PRKCA: variants seen among roughly 807,000 people sequenced by gnomAD.
The protein encoded by PRKCA is protein kinase C alpha.
A neutral mutation model predicts 87.0 loss-of-function variants in PRKCA; 27 were observed. The observed-to-expected ratio is 0.31, with a 90% CI of 0.23 to 0.43. The LOEUF (loss-of-function observed/expected upper bound fraction) is 0.43. PRKCA is among the 20% of genes least tolerant of loss of function. The pLI, the probability that PRKCA is intolerant of heterozygous loss-of-function variation, is 1.00. For missense variants in PRKCA, 518 were observed against 852.3 expected (o/e 0.61, Z 4.88); for synonymous variants, 329 against 311.1 (o/e 1.06, Z -0.61).
At chr17:66,431,593 G>C (rs576364199) in intron 2 of PRKCA, among the ~76,000 whole-genome samples, 1 of 152,316 alleles carries the variant, frequency 6.6e-6, no homozygotes, top group African/African-American at 2.4e-5. Flanking sequence ...GGTTGGCTGA[G>C]AAAGCTTCAC....
At chr17:66,727,826 C>T (rs950961481) in intron 8 of PRKCA, among the ~76,000 whole-genome samples, 3 of 152,108 alleles carry the variant, frequency 2.0e-5, no homozygotes, top group African/African-American at 7.2e-5. Context: ...GTCTGGAGGT[C>T]AAGCCTCGCG....
chr17:66,587,437 T>G (rs1340779434), intron 3 of PRKCA, among the ~76,000 whole-genome samples: 1 of 152,160 alleles, frequency 6.6e-6, no homozygotes, highest in Non-Finnish European at 1.5e-5. Flanking sequence ...CTGATAGATT[T>G]GAGATTTATC....
chr17:66,725,274 A>G lies in PRKCA; in HGVS notation c.919-7414A>G, dbSNP rs1168955589. On this transcript the variant is annotated intron_variant, in intron 8 of 16. Transcript: ENST00000413366. ...CTTGTCTGCACCAGCTCACCTGACT[A>G]TCAGCTGCCTTTTTATGTTAGTTTG... is the stretch of plus-strand genomic sequence containing the variant. Among the ~76,000 whole-genome samples the G allele has an allele frequency of 2.6e-5, 4 of 152,318 alleles. 1 individual carries two copies.
intron 3 of PRKCA, among the ~76,000 whole-genome samples, chr17:66,547,179 C>A (rs1051949996): frequency 8.5e-5 from 13 of 152,202 alleles, no homozygotes; most frequent in Non-Finnish European, 1.3e-4. Context: ...TATGTTACAT[C>A]TCTGTACTTT....
chr17:66,471,763 A>G (rs1486753195), intron 2 of PRKCA, among the ~76,000 whole-genome samples: 1 of 150,460 alleles, frequency 6.6e-6, no homozygotes, highest in Admixed American at 6.7e-5. Flanking sequence ...GGTTACCTTT[A>G]TTACTGTGCT....
chr17:66,645,397 G>A lies in PRKCA; in HGVS notation c.415G>A (p.Val139Ile), dbSNP rs771987815. Residue 139 changes from valine (V) to isoleucine (I), a missense_variant, in exon 5 of 17, where the codon GTT becomes ATT. This residue lies in a region of PRKCA where 300 missense variants were observed against 496.8 expected (regional missense o/e 0.60). Transcript: ENST00000413366. ...TTGATTCACAGCCTGCGATATGAAC[G>A]TTCACAAGCAATGCGTCATCAATGT... ...GMKCDTCDMN[V>I]HKQCVINVPS... is the part of the protein sequence containing the mutation. 1.2e-5 allele frequency: 19 copies of A among 1,614,032 alleles called. No homozygotes were observed. Among genetic ancestry groups the A allele is most frequent in the Non-Finnish European group, 1.4e-5 (16 of 1,180,026 alleles).
At chr17:66,365,079 G>A (rs773462111) in intron 2 of PRKCA, among the ~76,000 whole-genome samples, 2 of 152,196 alleles carry the variant, frequency 1.3e-5, no homozygotes, top group African/African-American at 2.4e-5. Context: ...AAAGAAAAAG[G>A]GGACTTCACA....
intron 2 of PRKCA, among the ~76,000 whole-genome samples, chr17:66,386,912 G>A (rs1910093783): frequency 6.6e-6 from 1 of 151,890 alleles, no homozygotes. Flanking sequence ...AAATACTGGT[G>A]TGATAATAAG....
rs1568020939 is a variant in PRKCA, at chr17:66,765,430, A to ATCTATATATCTATATATCTATATATC, written c.1525-8556_1525-8555insCTATATATCTATATATCTATATATCT. 2.7e-3 allele frequency among the ~76,000 whole-genome samples: 356 copies of ATCTATATATCTATATATCTATATATC among 130,856 alleles called. 9 individuals are homozygous for ATCTATATATCTATATATCTATATATC. Among genetic ancestry groups the ATCTATATATCTATATATCTATATATC allele is most frequent in the African/African-American group, 8.5e-3 (291 of 34,282 alleles). 85.8% of individuals were successfully genotyped at this position (130,856 alleles called of 152,430 possible). A position where few individuals can be genotyped will look rare whatever the true frequency, so the allele number is the denominator to read the frequency against. On this transcript the variant is annotated intron_variant, in intron 13 of 16. Transcript: ENST00000413366. The stretch of plus-strand genomic sequence containing the variant: ...AGCAAGACTTTGTCTATATATATAT[A>ATCTATATATCTATATATCTATATATC]TATATATATATATATATATATATAT...
intron 3 of PRKCA, among the ~76,000 whole-genome samples, chr17:66,595,481 A>ATTTTTTTTTT: frequency 2.1e-5 from 1 of 47,988 alleles, no homozygotes; most frequent in African/African-American, 9.4e-5. Context: ...TTTTTTTTTG[A>ATTTTTTTTTT]GACAGTCTTG....
chr17:66,360,743 T>C (rs1049150585), intron 2 of PRKCA, among the ~76,000 whole-genome samples: 2 of 152,298 alleles, frequency 1.3e-5, no homozygotes, highest in African/African-American at 4.8e-5. Flanking sequence ...ACTCTTGTCA[T>C]CCGAACTGGA....
At chr17:66,667,954 G>A (rs1202335960) in intron 5 of PRKCA, among the ~76,000 whole-genome samples, 1 of 152,148 alleles carries the variant, frequency 6.6e-6, no homozygotes, top group African/African-American at 2.4e-5. Context: ...AGAAACCCAC[G>A]ATCAAGACTG....
chr17:66,526,092 C>T (rs77903315), intron 3 of PRKCA, among the ~76,000 whole-genome samples: 20 of 152,222 alleles, frequency 1.3e-4, no homozygotes, highest in African/African-American at 4.3e-4. Context: ...TATTGCTCTA[C>T]AGAAATCTGT....
At chr17:66,361,258 G>C (rs189913187) in intron 2 of PRKCA, among the ~76,000 whole-genome samples, 1 of 151,640 alleles carries the variant, frequency 6.6e-6, no homozygotes, top group Non-Finnish European at 1.5e-5. Flanking sequence ...GACACTGCAC[G>C]TACCAGATCA....
At chr17:66,731,892 C>T (rs1269601970) in intron 8 of PRKCA, among the ~76,000 whole-genome samples, 1 of 145,124 alleles carries the variant, frequency 6.9e-6, no homozygotes, top group African/African-American at 2.5e-5. Context: ...CCGGTTCAAG[C>T]GATTCTCCTG....
chr17:66,513,848 A>G (rs1966880142), intron 3 of PRKCA, among the ~76,000 whole-genome samples: 1 of 152,224 alleles, frequency 6.6e-6, no homozygotes, highest in Non-Finnish European at 1.5e-5. Flanking sequence ...AACAGGAAGT[A>G]GAAGGGAACC....
intron 2 of PRKCA, among the ~76,000 whole-genome samples, chr17:66,460,614 C>G (rs933722538): frequency 6.6e-6 from 1 of 152,190 alleles, no homozygotes; most frequent in Non-Finnish European, 1.5e-5. Context: ...AAAACCTTGT[C>G]TTGCCCTCCT....
intron 3 of PRKCA, among the ~76,000 whole-genome samples, chr17:66,514,825 C>A (rs563011906): frequency 6.6e-6 from 1 of 152,260 alleles, no homozygotes; most frequent in South Asian, 2.1e-4. Flanking sequence ...CCATTTACAT[C>A]ATCTTGGCCA....
At chr17:66,730,152 A>G (rs1973850446) in intron 8 of PRKCA, among the ~76,000 whole-genome samples, 1 of 152,100 alleles carries the variant, frequency 6.6e-6, no homozygotes, top group Non-Finnish European at 1.5e-5. Flanking sequence ...TGATAAGCAC[A>G]TTTGGGCTTC....
Sources: gnomAD v4.1 joint callset for allele counts (sites outside exome capture counted in the v4.1 genomes callset) on GRCh38, gnomAD v4.1.1 for gene constraint, gnomAD v4.1.1 regional missense constraint, MANE v1.5 for transcripts, NCBI Gene and HGNC (gene_info 2026-07-23, HGNC 2026-07-21) for gene names.